Variants in CSMD1 observed in about 807,000 individuals in gnomAD.
CSMD1 encodes the protein CUB and Sushi multiple domains 1, also known as CUB and sushi domain-containing protein 1.
A neutral mutation model predicts 417.5 loss-of-function variants in CSMD1; 213 were observed. That is an observed-to-expected ratio of 0.51 (90% CI 0.46 to 0.57). The LOEUF is 0.57. CSMD1 is among the 20% of genes least tolerant of loss of function. The probability of loss-of-function intolerance (pLI) is 0.00; values close to 1 mark genes in which losing one functional copy is unlikely to be tolerated. For missense variants in CSMD1, 6,923 were observed against 4,529.7 expected, an observed-to-expected ratio of 1.53 and a Z score of -15.17; for synonymous variants, 2,862 against 1,736.8, an observed-to-expected ratio of 1.65 and a Z score of -16.11.
rs568153049 is a variant in CSMD1 at position 3,169,063 on chromosome 8, G to A, written c.5726-6786C>T. On this transcript the variant is annotated intron_variant, in intron 37 of 69. Transcript: ENST00000635120. ...TGGTCACAGGACTATTTTGGTCTAC[G>A]TACCACCCACCAACAACCTGGACCA... Among the ~76,000 whole-genome samples, 9 of 152,194 alleles carry A rather than the reference G, an allele frequency of 5.9e-5. No homozygotes were observed. In the South Asian group the frequency reaches 8.3e-4, roughly 14 times the overall value.
chr8:3,891,715 T>C (rs1013499325), intron 5 of CSMD1, among the ~76,000 whole-genome samples: 7 of 151,958 alleles, frequency 4.6e-5, no homozygotes, highest in African/African-American at 1.7e-4. Flanking sequence ...CTCAGTCTCC[T>C]AACACTAGTC....
chr8:3,142,805 A>C (rs554650550), intron 40 of CSMD1, 131 bp from the exon 41 acceptor site: 1 of 800,248 alleles, frequency 1.2e-6, no homozygotes, highest in Non-Finnish European at 2.0e-6. Context: ...CATGCCGTGG[A>C]GGACGGCATT....
At chr8:3,676,155 T>C (rs1249699674) in intron 7 of CSMD1, among the ~76,000 whole-genome samples, 1 of 152,248 alleles carries the variant, frequency 6.6e-6, no homozygotes, top group Non-Finnish European at 1.5e-5. Context: ...GTAAATTGTT[T>C]ATTTTCTTCT....
At chr8:4,218,599 C>T (rs1647316) in intron 3 of CSMD1, among the ~76,000 whole-genome samples, 151,832 of 152,316 alleles carry the variant, frequency 1, 75,676 homozygotes, top group Middle Eastern at 1. Flanking sequence ...TTTACAGTTG[C>T]TTAATTTCAA....
intron 5 of CSMD1, among the ~76,000 whole-genome samples, chr8:3,912,753 C>G (rs140572284): frequency 7.2e-5 from 11 of 152,290 alleles, no homozygotes; most frequent in African/African-American, 2.6e-4. Flanking sequence ...AGACTGCAGT[C>G]TGCTCTTGTA....
chr8:4,198,089 G>C (rs1190732148), intron 3 of CSMD1, among the ~76,000 whole-genome samples: 2 of 152,210 alleles, frequency 1.3e-5, no homozygotes, highest in Admixed American at 6.5e-5. Flanking sequence ...GGGAAGTCTG[G>C]GAGTCTGAGT....
intron 2 of CSMD1, among the ~76,000 whole-genome samples, chr8:4,433,404 A>G (rs1273394848): frequency 6.6e-6 from 1 of 152,120 alleles, no homozygotes; most frequent in East Asian, 1.9e-4. Context: ...TTTCTACTAA[A>G]AGAATCAACC....
chr8:4,237,178 G>A (rs574874780), intron 3 of CSMD1, among the ~76,000 whole-genome samples: 67 of 152,206 alleles, frequency 4.4e-4, no homozygotes, highest in African/African-American at 1.4e-3. Context: ...AGCTCCCTTC[G>A]CCTTTCCATA....
intron 21 of CSMD1, among the ~76,000 whole-genome samples, chr8:3,358,356 G>A (rs2117703675): frequency 6.6e-6 from 1 of 152,280 alleles, no homozygotes; most frequent in East Asian, 1.9e-4. Context: ...AATATGCTGA[G>A]CAACATGGCT....
At chr8:4,252,631 C>T (rs1457012995) in intron 3 of CSMD1, among the ~76,000 whole-genome samples, 5 of 152,182 alleles carry the variant, frequency 3.3e-5, no homozygotes, top group Non-Finnish European at 7.3e-5. Flanking sequence ...ATATAGTCTC[C>T]AGAAGTAACA....
intron 10 of CSMD1, among the ~76,000 whole-genome samples, chr8:3,558,323 ATGATG>A (rs1563152088): frequency 6.8e-5 from 9 of 132,984 alleles, no homozygotes; most frequent in Non-Finnish European, 1.4e-4. Flanking sequence ...CCAATGATGA[ATGATG>A]CCTCAGTAGT....
chr8:4,877,046 T>C (rs377062502), intron 1 of CSMD1, among the ~76,000 whole-genome samples: 12 of 152,090 alleles, frequency 7.9e-5, no homozygotes, highest in African/African-American at 1.9e-4. Flanking sequence ...ATCCTCCTTA[T>C]GTGGAGATTA....
intron 3 of CSMD1, among the ~76,000 whole-genome samples, chr8:4,356,248 C>G (rs367579028): frequency 5.9e-5 from 9 of 152,256 alleles, no homozygotes; most frequent in African/African-American, 2.2e-4. Flanking sequence ...GAACAATTGT[C>G]TCCAATCTCA....
intron 1 of CSMD1, chr8:4,788,634 A>T (rs1416755292): frequency 3.9e-6 from 3 of 778,498 alleles, no homozygotes; most frequent in Non-Finnish European, 6.2e-6. Context: ...CAAATTTCTA[A>T]TTTAGCTGAA....
rs555282523 is a variant in CSMD1 at position 4,007,010 on chromosome 8, G to C, written c.611-8900C>G. On this transcript the variant is annotated intron_variant, in intron 4 of 69. Transcript: ENST00000635120. ...ACCCGGCTAATTTTTGTGTGTATGT[G>C]TGTATTTTTAGTAGAGACGGGGTTT... Among the ~76,000 whole-genome samples, 7 of 151,652 alleles carry C rather than the reference G, an allele frequency of 4.6e-5. 1 individual carries two copies. In the South Asian group the frequency reaches 1.5e-3, roughly 32 times the overall value.
chr8:4,073,792 A>C (rs1354447459), intron 3 of CSMD1, among the ~76,000 whole-genome samples: 1 of 152,132 alleles, frequency 6.6e-6, no homozygotes, highest in African/African-American at 2.4e-5. Flanking sequence ...AATTTTGCTA[A>C]ATTATTTACC....
chr8:4,675,652 T>G (rs894715648), intron 1 of CSMD1, among the ~76,000 whole-genome samples: 2 of 152,244 alleles, frequency 1.3e-5, no homozygotes, highest in African/African-American at 4.8e-5. Context: ...GATATCTTTC[T>G]GGCAATCTCA....
chr8:3,282,499 A>G (rs1291353006), intron 26 of CSMD1, among the ~76,000 whole-genome samples: 1 of 152,192 alleles, frequency 6.6e-6, no homozygotes, highest in African/African-American at 2.4e-5. Context: ...CAATTCTACC[A>G]TCTGCTCTTG....
chr8:3,778,900 G>C (rs978386951), intron 5 of CSMD1, among the ~76,000 whole-genome samples: 1 of 152,190 alleles, frequency 6.6e-6, no homozygotes, highest in Non-Finnish European at 1.5e-5. Context: ...AGTAGGACAG[G>C]AGTTCCCGGA....
Sources: gnomAD v4.1 joint callset for allele counts (sites outside exome capture counted in the v4.1 genomes callset) on GRCh38, gnomAD v4.1.1 for gene constraint, MANE v1.5 for transcripts, NCBI Gene and HGNC (gene_info 2026-07-23, HGNC 2026-07-21) for gene names.